ARHGEF18: variants seen among roughly 807,000 people sequenced by gnomAD.
The protein encoded by ARHGEF18 is Rho/Rac guanine nucleotide exchange factor 18, also known as rho guanine nucleotide exchange factor 18.
Under a neutral mutation model 155.7 loss-of-function variants are expected in ARHGEF18, and 93 were observed. The observed-to-expected ratio is 0.60, with a 90% CI of 0.50 to 0.71. The LOEUF is 0.71. Among genes scored for constraint, ARHGEF18 ranks in the 30% least tolerant of loss-of-function variants. The pLI is 0.00. For synonymous variants in ARHGEF18, 742 were observed against 753.1 expected (o/e 0.99, Z 0.24); for missense variants, 1,593 against 1,816.1 (o/e 0.88, Z 2.23).
intron 1 of ARHGEF18, among the ~76,000 whole-genome samples, chr19:7,355,086 A>T (rs1969252577): frequency 2.1e-5 from 1 of 47,594 alleles, no homozygotes; most frequent in South Asian, 4.7e-4. Context: ...ACACACACAC[A>T]CACACACACA....
intron 10 of ARHGEF18, among the ~76,000 whole-genome samples, chr19:7,428,839 G>A (rs75521797): frequency 0.019 from 2,848 of 152,302 alleles, 84 homozygotes; most frequent in African/African-American, 0.065. Flanking sequence ...CCACAGGGCC[G>A]TGGTAGCCTG....
intron 10 of ARHGEF18, among the ~76,000 whole-genome samples, chr19:7,429,493 C>T (rs1409196044): frequency 6.6e-6 from 1 of 152,166 alleles, no homozygotes; most frequent in Non-Finnish European, 1.5e-5. Flanking sequence ...ATCCCAGCTA[C>T]TCGGGAGGCT....
chr19:7,375,482 G>A (rs551710302), intron 3 of ARHGEF18, among the ~76,000 whole-genome samples: 1 of 152,248 alleles, frequency 6.6e-6, no homozygotes, highest in Non-Finnish European at 1.5e-5. Context: ...GTGCAAAAAC[G>A]ATCTGAGATG....
intron 10 of ARHGEF18, among the ~76,000 whole-genome samples, chr19:7,393,701 C>T (rs1310873198): frequency 6.6e-6 from 1 of 151,490 alleles, no homozygotes; most frequent in Non-Finnish European, 1.5e-5. Flanking sequence ...CCACATCTGC[C>T]AAATAGCACC....
downstream of ARHGEF18, chr19:7,477,121 G>T: frequency 7.7e-7 from 1 of 1,297,142 alleles, no homozygotes; most frequent in Non-Finnish European, 1.0e-6. Context: ...TGAGAGCCCC[G>T]GCCCCTGCCC....
intron 16 of ARHGEF18, among the ~76,000 whole-genome samples, chr19:7,451,752 T>C (rs12981355): frequency 0.24 from 36,691 of 151,006 alleles, 4,623 homozygotes; most frequent in East Asian, 0.29. Flanking sequence ...GAGACAGTCT[T>C]GCTGTGTCCC....
At chr19:7,376,604 C>A in intron 4 of ARHGEF18, 39 bp from the exon 5 acceptor site, 1 of 1,214,114 alleles carries the variant, frequency 8.2e-7, no homozygotes, top group Non-Finnish European at 1.0e-6. Flanking sequence ...GCAGTCCAGG[C>A]TGCCTTCCCA....
chr19:7,461,749 C>T (rs1469066666), intron 20 of ARHGEF18, among the ~76,000 whole-genome samples: 3 of 152,172 alleles, frequency 2.0e-5, no homozygotes, highest in African/African-American at 7.2e-5. Context: ...TCATAGCTCA[C>T]TGCAGCCTTG....
chr19:7,372,769 T>C lies in ARHGEF18; in HGVS notation c.16-43T>C, dbSNP rs1445881410. On this transcript the variant is annotated intron_variant, in intron 2 of 28. Transcript: ENST00000668164. ...AGAGACCCCAGGTTCTGCTGCCCCT[T>C]GGTCAATGTCTTCTTCTCCCTCCTC... The C allele has an allele frequency of 2.4e-6, 3 of 1,234,198 alleles. No individual in the cohort carries two copies. The African/African-American group carries it at 4.7e-5, about 19-fold the overall frequency. The allele number at this position is 1,234,198 out of a possible 1,614,324, so 76.5% of individuals were successfully genotyped here.
chr19:7,464,507 C>A (rs1976493171), intron 22 of ARHGEF18, 53 bp from the exon 23 acceptor site: 1 of 1,559,604 alleles, frequency 6.4e-7, no homozygotes, highest in East Asian at 2.3e-5. Flanking sequence ...TGGGAAGCTT[C>A]CCCCTCCCCA....
chr19:7,467,317 T>C lies in ARHGEF18; in HGVS notation c.3113T>C (p.Leu1038Pro). The change falls in exon 26 of 29, where the codon CTG (leucine) becomes CCG (proline). Residue 1038 changes from leucine (L) to proline (P), a missense_variant. Transcript: ENST00000668164. Reference sequence around the variant, plus strand: ...CAGTCGACGCGTGGGAACCTGCTGCTGGAGCAGGAGCGGCAACGCAACTTC... The same window carrying C: ...CAGTCGACGCGTGGGAACCTGCTGCCGGAGCAGGAGCGGCAACGCAACTTC... ...RLQSTRGNLL[L>P]EQERQRNFEK... 1 of 1,539,940 alleles carries C rather than the reference T, an allele frequency of 6.5e-7. No homozygotes were observed.
At chr19:7,435,516 C>G (rs1974207066) in intron 10 of ARHGEF18, among the ~76,000 whole-genome samples, 1 of 151,984 alleles carries the variant, frequency 6.6e-6, no homozygotes, top group African/African-American at 2.4e-5. Flanking sequence ...TGAGCAGGTT[C>G]AGGATGGGGC....
intron 1 of ARHGEF18, among the ~76,000 whole-genome samples, chr19:7,356,146 T>C (rs189995532): frequency 2.6e-5 from 4 of 152,148 alleles, no homozygotes; most frequent in African/African-American, 9.6e-5. Context: ...ACACATCGGC[T>C]GGTGCTCTCT....
At chr19:7,351,482 C>T (rs867104905) in intron 1 of ARHGEF18, among the ~76,000 whole-genome samples, 114 of 151,762 alleles carry the variant, frequency 7.5e-4, no homozygotes, top group Middle Eastern at 3.4e-3. Context: ...CGCCACCATG[C>T]CCGGCTAATT....
downstream of ARHGEF18, among the ~76,000 whole-genome samples, chr19:7,473,581 G>A (rs1270705601): frequency 6.6e-6 from 1 of 152,074 alleles, no homozygotes; most frequent in Non-Finnish European, 1.5e-5. Flanking sequence ...GGAAGCCAAG[G>A]TGGGCAGATT....
At chr19:7,352,052 GTTTC>G (rs1969170914) in intron 1 of ARHGEF18, among the ~76,000 whole-genome samples, 2 of 151,886 alleles carry the variant, frequency 1.3e-5, no homozygotes, top group Admixed American at 1.3e-4. Flanking sequence ...TATTGTCTGT[GTTTC>G]TTCTTGTTTT....
intron 10 of ARHGEF18, among the ~76,000 whole-genome samples, chr19:7,387,530 A>G (rs1971153584): frequency 6.6e-6 from 1 of 152,240 alleles, no homozygotes; most frequent in East Asian, 1.9e-4. Flanking sequence ...TTACATTTGT[A>G]AATGGTTGAA....
chr19:7,477,310 G>A (rs376253130), downstream of ARHGEF18: 168 of 1,563,440 alleles, frequency 1.1e-4, 2 homozygotes, highest in South Asian at 1.6e-3. Context: ...GGAAGCGGCC[G>A]GCCCACAGCA....
At chr19:7,436,194 CTTCTTTTTTTT>C (rs529488378) in intron 10 of ARHGEF18, among the ~76,000 whole-genome samples, 5,290 of 134,374 alleles carry the variant, frequency 0.039, 165 homozygotes, top group African/African-American at 0.098. Context: ...ATCAGCATTT[CTTCTTTTTTTT>C]TTTTTTTTTT....
Sources: gnomAD v4.1 joint callset for allele counts (sites outside exome capture counted in the v4.1 genomes callset) on GRCh38, gnomAD v4.1.1 for gene constraint, MANE v1.5 for transcripts, NCBI Gene and HGNC (gene_info 2026-07-23, HGNC 2026-07-21) for gene names.